The following MX1 variants were observed in gnomAD, a reference collection of about 807,000 sequenced individuals.
MX1 encodes interferon-induced GTP-binding protein Mx1.
MX1 carries 66 observed loss-of-function variants against 66.4 expected under a neutral mutation model. The observed-to-expected ratio is 0.99, with a 90% CI of 0.82 to 1.22. The LOEUF (loss-of-function observed/expected upper bound fraction) is 1.22. MX1 is among the 50% of genes most tolerant of loss of function. The pLI, the probability that MX1 is intolerant of heterozygous loss-of-function variation, is 0.00. For missense variants in MX1, 787 were observed against 834.3 expected, an observed-to-expected ratio of 0.94 and a Z score of 0.70; for synonymous variants, 311 against 318.1, an observed-to-expected ratio of 0.98 and a Z score of 0.24.
chr21:41,430,584 T>A lies in MX1; in HGVS notation c.-46T>A, dbSNP rs2090185093. 1 of 152,188 alleles carries A rather than the reference T, an allele frequency of 6.6e-6. No individual in the cohort carries two copies. The highest frequency in any genetic ancestry group is 2.1e-4 in the South Asian group (1 of 4,826). 9.4% of individuals were successfully genotyped at this position (152,188 alleles called of 1,614,324 possible). The stretch of plus-strand genomic sequence containing the variant: ...ACCATTTAACTTGTTGACATTACTT[T>A]TATTTGAAGGAACGTATATTAGAGG... On this transcript the variant is annotated 5_prime_UTR_variant, in exon 4 of 17. Transcript: ENST00000398598.
intron 13 of MX1, among the ~76,000 whole-genome samples, chr21:41,448,118 A>C (rs1041603873): frequency 2.6e-5 from 4 of 152,202 alleles, no homozygotes; most frequent in African/African-American, 9.6e-5. Context: ...TTTCCTGACT[A>C]AAAAAAGTGT....
At chr21:41,450,694 C>A (rs1298200832) in intron 14 of MX1, among the ~76,000 whole-genome samples, 3 of 151,904 alleles carry the variant, frequency 2.0e-5, no homozygotes, top group African/African-American at 7.3e-5. Flanking sequence ...AGATACTATA[C>A]CTTGTATTAC....
intron 5 of MX1, among the ~76,000 whole-genome samples, chr21:41,432,520 C>T (rs576312409): frequency 6.6e-6 from 1 of 152,334 alleles, no homozygotes; most frequent in East Asian, 1.9e-4. Context: ...GCTACAAACC[C>T]TGGGGCATCA....
chr21:41,424,499 TCTGGGC>T (rs2090026760), upstream of MX1, among the ~76,000 whole-genome samples: 1 of 152,168 alleles, frequency 6.6e-6, no homozygotes, highest in Non-Finnish European at 1.5e-5. Flanking sequence ...TGGGGCAGGT[TCTGGGC>T]CTTGAGGTTG....
At chr21:41,423,100 G>A (rs459498), upstream of MX1, 53,073 of 152,650 alleles carry the variant, frequency 0.35, 10,550 homozygotes, top group East Asian at 0.58. Context: ...TCATTAGGAC[G>A]AACCCAGGCA....
chr21:41,438,954 A>G (rs1009566487), intron 7 of MX1, among the ~76,000 whole-genome samples: 3 of 152,132 alleles, frequency 2.0e-5, no homozygotes, highest in African/African-American at 7.2e-5. Flanking sequence ...GGCAAGGGGC[A>G]TATCTCTGCC....
intron 6 of MX1, 86 bp from the exon 7 acceptor site, chr21:41,436,929 A>G (rs573553472): frequency 1.3e-6 from 2 of 1,509,776 alleles, no homozygotes; most frequent in South Asian, 1.2e-5. Context: ...ATATGATTGT[A>G]TAAAAGTTTG....
intron 10 of MX1, 92 bp downstream of exon 10, chr21:41,442,006 AGTGTGT>A (rs10693544): frequency 5.5e-6 from 5 of 909,786 alleles, no homozygotes; most frequent in Non-Finnish European, 7.0e-6. Context: ...AGATGTGTGG[AGTGTGT>A]GTGTGTGTGT....
At position 41,443,837 on chromosome 21, in the gene MX1, C is replaced by T. The variant is rs2090583874; in HGVS notation, c.979C>T (p.Leu327Phe). ...KATVPCLAEK[L>F]TSELITHICK... ...CACGGTTCCCTGCCTGGCAGAAAAA[C>T]TTACCAGCGAGCTCATCACACATAT... The change falls in exon 11 of 17, where the codon CTT becomes TTT. Residue 327 changes from leucine (L) to phenylalanine (F), a missense_variant. Physicochemically the swap from Leu to Phe is conservative, Grantham distance 22 (BLOSUM62 0). Transcript: ENST00000398598. 1 of 1,614,248 alleles carries T rather than the reference C, an allele frequency of 6.2e-7. No homozygotes were observed. Among genetic ancestry groups the T allele is most frequent in the Non-Finnish European group, 8.5e-7 (1 of 1,180,038 alleles).
At chr21:41,425,247 A>G (rs913489147), upstream of MX1, among the ~76,000 whole-genome samples, 1 of 152,098 alleles carries the variant, frequency 6.6e-6, no homozygotes, top group African/African-American at 2.4e-5. Context: ...GCGAAGGGAG[A>G]TAGGGGTGGG....
chr21:41,446,147 T>G lies in MX1; in HGVS notation c.1273+6T>G. The G allele has an allele frequency of 6.2e-7, 1 of 1,612,354 alleles. No individual in the cohort carries two copies. Among genetic ancestry groups the G allele is most frequent in the East Asian group, 2.2e-5 (1 of 44,872 alleles). On this transcript the variant is annotated splice_donor_region_variant and intron_variant, in intron 13 of 16. Coordinates refer to ENST00000398598, the MANE Select transcript of MX1 (RefSeq NM_002462.5). ...TGAAAACAATTTTCAAGAAGGTGAGTGTCTTAGTCCCTTCTTTTGGGCTGC... is the reference window on the plus strand; with the variant it reads ...TGAAAACAATTTTCAAGAAGGTGAGGGTCTTAGTCCCTTCTTTTGGGCTGC...
Position 41,458,642 on chromosome 21 carries a change from A to G in MX1, c.1873A>G (p.Thr625Ala), listed in dbSNP as rs1601551238. The G allele has an allele frequency of 6.2e-7, 1 of 1,614,228 alleles. No homozygotes were observed. Among genetic ancestry groups the G allele is most frequent in the Non-Finnish European group, 8.5e-7 (1 of 1,180,046 alleles). Reference sequence around the variant, plus strand: ...GCTGCAGCTCCTGCAGGACAAGGACACCTACAGCTGGCTCCTGAAGGAGCG... The same window carrying G: ...GCTGCAGCTCCTGCAGGACAAGGACGCCTACAGCTGGCTCCTGAAGGAGCG... ...AMLQLLQDKD[T>A]YSWLLKERSD... The change falls in exon 17 of 17, where the codon ACC (threonine) becomes GCC (alanine). Residue 625 changes from threonine (T) to alanine (A), a missense_variant. Coordinates refer to ENST00000398598, the MANE Select transcript of MX1 (RefSeq NM_002462.5).
intron 7 of MX1, among the ~76,000 whole-genome samples, chr21:41,439,227 A>G (rs74634461): frequency 0.032 from 4,805 of 152,226 alleles, 158 homozygotes; most frequent in Admixed American, 0.11. Context: ...GAAGGAGCAA[A>G]ATAAAATCTC....
Position 41,458,397 on chromosome 21 carries a change from G to A in MX1, c.1759-131G>A. ...AGGAGATTGATGGGTTTGAAACCCA[G>A]GGGAAGGTCATTGCCCTGCGAGGGT... On this transcript the variant is annotated intron_variant, in intron 16 of 16. Coordinates refer to ENST00000398598, the MANE Select transcript of MX1 (RefSeq NM_002462.5). 4 of 1,095,186 alleles carry A rather than the reference G, an allele frequency of 3.7e-6. 1 individual carries two copies. The South Asian group carries it at 4.6e-5, about 12-fold the overall frequency. The allele number at this position is 1,095,186 out of a possible 1,614,324, so 67.8% of individuals were successfully genotyped here.
chr21:41,424,653 C>T (rs997318876), upstream of MX1, among the ~76,000 whole-genome samples: 10 of 152,170 alleles, frequency 6.6e-5, no homozygotes, highest in African/African-American at 2.4e-4. Context: ...AGCCAGTTAG[C>T]CGAGAATGGG....
At chr21:41,443,450 C>T (rs918647184) in intron 10 of MX1, 2 of 259,604 alleles carry the variant, frequency 7.7e-6, no homozygotes, top group Non-Finnish European at 1.5e-5. Context: ...ATCACCTACA[C>T]ATATTACACA....
chr21:41,425,393 A>G (rs1033136840), upstream of MX1, among the ~76,000 whole-genome samples: 30 of 152,204 alleles, frequency 2.0e-4, no homozygotes, highest in Admixed American at 1.6e-3. Context: ...AAGGGTGGGG[A>G]AGATTACAAA....
Position 41,441,090 on chromosome 21 carries a change from A to G in MX1, c.730+65A>G, listed in dbSNP as rs2090497492. ...GGGAGCCCGCCTGTGCTCGGTGAGAATGGGGGAGCCCACCTGTGCTCGGTG... is the reference window on the plus strand; with the variant it reads ...GGGAGCCCGCCTGTGCTCGGTGAGAGTGGGGGAGCCCACCTGTGCTCGGTG... On this transcript the variant is annotated intron_variant, in intron 9 of 16. Transcript: ENST00000398598. This position sits in a 1 kb window ranked among gnomAD's most constrained non-coding sequence, Gnocchi z 4.0. 7.0e-7 allele frequency: 1 copy of G among 1,426,614 alleles called. No individual in the cohort carries two copies. The highest frequency in any genetic ancestry group is 1.5e-5 in the African/African-American group (1 of 66,646). The allele number at this position is 1,426,614 out of a possible 1,614,324, so 88.4% of individuals were successfully genotyped here.
At chr21:41,428,263 C>G (rs461093) in intron 3 of MX1, 47,933 of 152,216 alleles carry the variant, frequency 0.31, 7,949 homozygotes, top group East Asian at 0.57. Context: ...CTAACTTTCA[C>G]TTTCCCAAAA....
Sources: allele counts gnomAD v4.1 joint callset (sites outside exome capture counted in the v4.1 genomes callset), GRCh38; gene constraint gnomAD v4.1.1; non-coding constraint Gnocchi (gnomAD v3.1); transcripts MANE v1.5; gene names NCBI Gene and HGNC (gene_info 2026-07-23, HGNC 2026-07-21).